Variants in PAPOLA observed in about 807,000 individuals in gnomAD.
PAPOLA encodes the protein polynucleotide adenylyltransferase alpha.
PAPOLA carries 15 observed loss-of-function variants against 100.6 expected under a neutral mutation model. That is an observed-to-expected ratio of 0.15 (90% CI 0.10 to 0.23). The LOEUF (loss-of-function observed/expected upper bound fraction) is 0.23. Ranked by LOEUF, PAPOLA falls within the 10% of genes least tolerant of loss-of-function variation. The pLI is 1.00. For synonymous variants in PAPOLA, 293 were observed against 300.0 expected, an observed-to-expected ratio of 0.98 and a Z score of 0.24; for missense variants, 533 against 884.2, an observed-to-expected ratio of 0.60 and a Z score of 5.04.
chr14:96,519,450 T>G (rs1228022391), intron 1 of PAPOLA, among the ~76,000 whole-genome samples: 1 of 152,150 alleles, frequency 6.6e-6, no homozygotes, highest in Non-Finnish European at 1.5e-5. Context: ...AATTTGGAAC[T>G]TATCTTAAAA....
At chr14:96,529,701 G>A (rs190164382) in intron 6 of PAPOLA, among the ~76,000 whole-genome samples, 3 of 151,966 alleles carry the variant, frequency 2.0e-5, no homozygotes, top group Admixed American at 1.3e-4. Context: ...CAGCCTGGGC[G>A]ACAGAGCAAG....
intron 12 of PAPOLA, among the ~76,000 whole-genome samples, chr14:96,540,029 T>G (rs946443573): frequency 2.0e-5 from 3 of 152,196 alleles, no homozygotes; most frequent in Non-Finnish European, 2.9e-5. Flanking sequence ...TATATGTGAA[T>G]GTGTGCATTT....
intron 7 of PAPOLA, 180 bp from the exon 8 acceptor site, chr14:96,532,149 CTT>C: frequency 6.5e-6 from 9 of 1,378,450 alleles, no homozygotes; most frequent in Non-Finnish European, 8.4e-6. Context: ...TTTTCCCCCT[CTT>C]TATTGAATTA....
chr14:96,555,238 G>GTTT (rs780689375), intron 17 of PAPOLA, among the ~76,000 whole-genome samples: 17 of 135,444 alleles, frequency 1.3e-4, no homozygotes, highest in Non-Finnish European at 1.4e-4. Flanking sequence ...AATAATATAG[G>GTTT]TTTTTTTTTT....
chr14:96,566,052 A>T lies in PAPOLA; in HGVS notation c.*1002A>T, dbSNP rs180886070. ...TGACTAAAAGTAATGCCTGTGAAAC[A>T]TGATATCTATCTGGGATGGCCATTT... On this transcript the variant is annotated 3_prime_UTR_variant, in exon 22 of 22. Transcript: ENST00000216277. 1.9e-3 allele frequency: 769 copies of T among 396,382 alleles called. 29 individuals carry two copies. In the South Asian group the frequency reaches 0.083, roughly 43 times the overall value. The allele number at this position is 396,382 out of a possible 1,614,324, so 24.6% of individuals were successfully genotyped here. A position where few individuals can be genotyped will look rare whatever the true frequency, so the allele number is the denominator to read the frequency against.
At chr14:96,563,900 C>T (rs1414375379) in intron 21 of PAPOLA, among the ~76,000 whole-genome samples, 2 of 151,948 alleles carry the variant, frequency 1.3e-5, no homozygotes, top group Non-Finnish European at 2.9e-5. Flanking sequence ...CACATACTCT[C>T]GGGACTTATT....
At chr14:96,563,347 C>T (rs910542902) in intron 21 of PAPOLA, among the ~76,000 whole-genome samples, 82 of 152,150 alleles carry the variant, frequency 5.4e-4, no homozygotes, top group African/African-American at 1.8e-3. Context: ...GCCCATAGCT[C>T]TTCAGAATTA....
intron 3 of PAPOLA, among the ~76,000 whole-genome samples, chr14:96,522,399 G>A (rs774224998): frequency 2.6e-5 from 4 of 151,632 alleles, no homozygotes; most frequent in Non-Finnish European, 5.9e-5. Context: ...GATTACAGGC[G>A]TGAGGTACTG....
At chr14:96,558,835 T>C (rs550464731) in intron 19 of PAPOLA, among the ~76,000 whole-genome samples, 3 of 152,248 alleles carry the variant, frequency 2.0e-5, no homozygotes, top group Middle Eastern at 3.4e-3. Flanking sequence ...TTTATTAATA[T>C]CATCAAACAT....
rs1902172924 is a variant in PAPOLA, at chr14:96,565,130, T to C, written c.*80T>C. 3.7e-6 allele frequency: 3 copies of C among 816,978 alleles called. No individual in the cohort carries two copies. Among genetic ancestry groups the C allele is most frequent in the African/African-American group, 1.7e-5 (1 of 59,602 alleles). 50.6% of individuals were successfully genotyped at this position (816,978 alleles called of 1,614,324 possible). A position where few individuals can be genotyped will look rare whatever the true frequency, so the allele number is the denominator to read the frequency against. ...AATGCTAAAAAAGGAGAATGGAGGG[T>C]ACAAGACTAGACATGACTGAAATGG... On this transcript the variant is annotated 3_prime_UTR_variant, in exon 22 of 22. Transcript: ENST00000216277.
At chr14:96,524,482 C>T (rs1402256646) in intron 3 of PAPOLA, among the ~76,000 whole-genome samples, 5 of 151,944 alleles carry the variant, frequency 3.3e-5, no homozygotes, top group African/African-American at 1.2e-4. Context: ...GTCCCTTTCC[C>T]CTTCCCGTTC....
Position 96,562,878 on chromosome 14 carries a change from T to G in PAPOLA, c.2127T>G (p.Ser709=), listed in dbSNP as rs779039760. ...CAGAAACTATTCAGACAGCGGCTTCTCTGTTGGCCTCTCAGGTACTAAGTG... is the reference window on the plus strand; with the variant it reads ...CAGAAACTATTCAGACAGCGGCTTCGCTGTTGGCCTCTCAGGTACTAAGTG... ...TQSETIQTAA[S]LLASQKTSST... is the part of the protein sequence containing the mutation. Residue 709 remains serine (S), a synonymous_variant, in exon 21 of 22, where the codon TCT becomes TCG. Transcript: ENST00000216277. 6.2e-7 allele frequency: 1 copy of G among 1,609,868 alleles called. No individual in the cohort carries two copies. Among genetic ancestry groups the G allele is most frequent in the Non-Finnish European group, 8.5e-7 (1 of 1,176,654 alleles).
rs187468194 is a variant in PAPOLA, at chr14:96,520,178, G to A, written c.132G>A (p.Glu44=). The A allele has an allele frequency of 2.5e-6, 4 of 1,614,028 alleles. No individual in the cohort carries two copies. The highest frequency in any genetic ancestry group is 1.3e-5 in the African/African-American group (1 of 75,062). The change falls in exon 2 of 22, where the codon GAG becomes GAA. Residue 44 remains glutamate, a synonymous_variant. Transcript: ENST00000216277. ...GCGTACTTACACAGAAACTAATTGAGACATTGAAACCCTTTGGGGTTTTTG... is the reference window on the plus strand; with the variant it reads ...GCGTACTTACACAGAAACTAATTGAAACATTGAAACCCTTTGGGGTTTTTG... The part of the protein sequence containing the change: ...TDCVLTQKLI[E]TLKPFGVFEE...
At chr14:96,538,203 A>C (rs1417662683) in intron 12 of PAPOLA, among the ~76,000 whole-genome samples, 1 of 152,012 alleles carries the variant, frequency 6.6e-6, no homozygotes, top group African/African-American at 2.4e-5. Context: ...TAAGGAGAAG[A>C]ATAAAGGAAT....
chr14:96,514,615 T>C (rs963695767), intron 1 of PAPOLA, among the ~76,000 whole-genome samples: 2 of 152,242 alleles, frequency 1.3e-5, no homozygotes, highest in African/African-American at 4.8e-5. Context: ...TCAACAAAAA[T>C]GTCACTATTC....
intron 12 of PAPOLA, chr14:96,541,959 G>T: frequency 4.7e-6 from 1 of 214,104 alleles, no homozygotes; most frequent in East Asian, 1.0e-4. Context: ...GCACTCAATC[G>T]GTGTCATTGA....
chr14:96,531,111 C>T (rs900454747), intron 6 of PAPOLA, among the ~76,000 whole-genome samples: 3 of 152,166 alleles, frequency 2.0e-5, no homozygotes, highest in Non-Finnish European at 4.4e-5. Context: ...ACACCATTCT[C>T]CTGCCTCAGC....
chr14:96,556,535 A>C, intron 19 of PAPOLA, 122 bp downstream of exon 19: 1 of 718,274 alleles, frequency 1.4e-6, no homozygotes, highest in Non-Finnish European at 2.4e-6. Context: ...CTTTTAGAAA[A>C]TTTTAGGTGT....
chr14:96,521,539 G>A (rs1897963909), intron 3 of PAPOLA, among the ~76,000 whole-genome samples: 1 of 151,914 alleles, frequency 6.6e-6, no homozygotes, highest in African/African-American at 2.4e-5. Flanking sequence ...CATTCAGGCG[G>A]AGTGTAGTGA....
Sources: allele counts gnomAD v4.1 joint callset (sites outside exome capture counted in the v4.1 genomes callset), GRCh38; gene constraint gnomAD v4.1.1; transcripts MANE v1.5; gene names NCBI Gene and HGNC (gene_info 2026-07-23, HGNC 2026-07-21).